CSMD1: variants seen among roughly 807,000 people sequenced by gnomAD.
CSMD1 encodes CUB and sushi domain-containing protein 1.
A neutral mutation model predicts 417.5 loss-of-function variants in CSMD1; 213 were observed. The observed-to-expected ratio is 0.51, with a 90% CI of 0.46 to 0.57. CSMD1 has a LOEUF of 0.57. CSMD1 is among the 20% of genes least tolerant of loss of function. The probability of loss-of-function intolerance (pLI) is 0.00; values close to 1 mark genes in which losing one functional copy is unlikely to be tolerated. For synonymous variants in CSMD1, 2,862 were observed against 1,736.8 expected (o/e 1.65, Z -16.11); for missense variants, 6,923 against 4,529.7 (o/e 1.53, Z -15.17).
chr8:4,193,555 G>A (rs920828697), intron 3 of CSMD1, among the ~76,000 whole-genome samples: 4 of 152,050 alleles, frequency 2.6e-5, no homozygotes, highest in African/African-American at 9.7e-5. Context: ...GTCACAAGAG[G>A]CTGTGGGAAA....
chr8:3,540,736 C>A (rs573030568), intron 10 of CSMD1, among the ~76,000 whole-genome samples: 1 of 152,234 alleles, frequency 6.6e-6, no homozygotes, highest in East Asian at 1.9e-4. Flanking sequence ...CATGAACAGA[C>A]ACTTCTCAAA....
At chr8:4,925,136 C>A (rs9657371) in intron 1 of CSMD1, among the ~76,000 whole-genome samples, 44,804 of 151,132 alleles carry the variant, frequency 0.3, 7,483 homozygotes, top group Middle Eastern at 0.42. Flanking sequence ...AATGTTTAGT[C>A]CCTGAGCAGC....
intron 12 of CSMD1, among the ~76,000 whole-genome samples, chr8:3,419,510 G>A (rs757842772): frequency 1.3e-5 from 2 of 152,074 alleles, no homozygotes; most frequent in Admixed American, 6.6e-5. Context: ...AAAACTCTAT[G>A]TATTTGTGTT....
At chr8:4,195,198 T>G (rs1340442571) in intron 3 of CSMD1, among the ~76,000 whole-genome samples, 5 of 152,282 alleles carry the variant, frequency 3.3e-5, no homozygotes, top group South Asian at 2.1e-4. Flanking sequence ...GAAAATAAAC[T>G]AAAACCTTGG....
intron 37 of CSMD1, among the ~76,000 whole-genome samples, chr8:3,179,807 A>G (rs1256982745): frequency 6.6e-6 from 1 of 152,242 alleles, no homozygotes; most frequent in Admixed American, 6.5e-5. Flanking sequence ...CACATCCTAC[A>G]TAAGTAACAT....
chr8:4,989,019 G>T (rs752711948), intron 1 of CSMD1, among the ~76,000 whole-genome samples: 6 of 152,144 alleles, frequency 3.9e-5, no homozygotes, highest in African/African-American at 7.2e-5. Context: ...GTCACTTAAG[G>T]TCATTTTAAA....
intron 57 of CSMD1, among the ~76,000 whole-genome samples, chr8:2,971,253 C>T (rs1804429889): frequency 6.6e-6 from 1 of 152,170 alleles, no homozygotes; most frequent in Non-Finnish European, 1.5e-5. Flanking sequence ...CCTAGATCAT[C>T]TCAGGGTCAG....
chr8:4,075,224 T>C (rs979552916), intron 3 of CSMD1, among the ~76,000 whole-genome samples: 1 of 152,170 alleles, frequency 6.6e-6, no homozygotes, highest in Non-Finnish European at 1.5e-5. Context: ...TTCTAGTATG[T>C]GCAGCTTAAG....
chr8:3,532,835 C>T (rs1430813587), intron 10 of CSMD1, among the ~76,000 whole-genome samples: 1 of 152,092 alleles, frequency 6.6e-6, no homozygotes, highest in Non-Finnish European at 1.5e-5. Context: ...CATTAAAGCA[C>T]ACAGCACAAT....
intron 5 of CSMD1, among the ~76,000 whole-genome samples, chr8:3,883,901 A>C (rs112259798): frequency 0.028 from 4,303 of 152,184 alleles, 241 homozygotes; most frequent in African/African-American, 0.097. Flanking sequence ...TTAAATATAA[A>C]TTAAATATAT....
At chr8:3,480,452 G>C (rs975497672) in intron 11 of CSMD1, among the ~76,000 whole-genome samples, 5 of 152,090 alleles carry the variant, frequency 3.3e-5, no homozygotes, top group African/African-American at 1.2e-4. Context: ...ATAGAAAAAA[G>C]AATCCAACTA....
intron 10 of CSMD1, among the ~76,000 whole-genome samples, chr8:3,560,469 C>A (rs138796896): frequency 2.0e-5 from 3 of 152,238 alleles, no homozygotes; most frequent in African/African-American, 7.2e-5. Flanking sequence ...GAACTCCAGA[C>A]TGATTCTTCT....
intron 12 of CSMD1, among the ~76,000 whole-genome samples, chr8:3,436,337 G>C (rs117712096): frequency 1.5e-3 from 223 of 152,298 alleles, no homozygotes; most frequent in Middle Eastern, 3.4e-3. Context: ...GAAGCCATGA[G>C]ACAGGTTATA....
Position 3,548,534 on chromosome 8 carries a change from G to C in CSMD1, c.1344+26411C>G, listed in dbSNP as rs1003190682. 3.3e-5 allele frequency among the ~76,000 whole-genome samples: 5 copies of C among 151,752 alleles called. No individual in the cohort carries two copies. The East Asian group carries it at 7.8e-4, about 24-fold the overall frequency. The stretch of plus-strand genomic sequence containing the variant: ...ATAGCTTAGCTCCTGCTTGGAATGA[G>C]AACATACGATGTTTGGTTTTCCATT... On this transcript the variant is annotated intron_variant, in intron 10 of 69. Transcript: ENST00000635120.
At chr8:4,923,459 A>C (rs1158099006) in intron 1 of CSMD1, among the ~76,000 whole-genome samples, 4 of 152,226 alleles carry the variant, frequency 2.6e-5, no homozygotes, top group African/African-American at 9.6e-5. Context: ...CTTATTTCAT[A>C]TTACATGCCT....
intron 20 of CSMD1, among the ~76,000 whole-genome samples, chr8:3,366,381 C>T (rs984334578): frequency 7.0e-6 from 1 of 142,734 alleles, no homozygotes; most frequent in Non-Finnish European, 1.5e-5. Context: ...TTTTTCTTAT[C>T]TGTAGAAAAA....
chr8:4,486,269 A>G (rs1400928217), intron 2 of CSMD1, among the ~76,000 whole-genome samples: 5 of 141,632 alleles, frequency 3.5e-5, no homozygotes, highest in Admixed American at 7.2e-5. Context: ...ATATATATAT[A>G]TATATATACG....
intron 5 of CSMD1, among the ~76,000 whole-genome samples, chr8:3,933,484 C>T (rs191521014): frequency 6.6e-6 from 1 of 152,134 alleles, no homozygotes; most frequent in Non-Finnish European, 1.5e-5. Flanking sequence ...CAACCCCTTT[C>T]AGCCATGGTC....
At chr8:4,974,931 G>C (rs1293799941) in intron 1 of CSMD1, among the ~76,000 whole-genome samples, 3 of 152,202 alleles carry the variant, frequency 2.0e-5, no homozygotes, top group Non-Finnish European at 2.9e-5. Context: ...GGTTTAAAGA[G>C]AGAGACAAAG....
Sources: allele counts gnomAD v4.1 joint callset (sites outside exome capture counted in the v4.1 genomes callset), GRCh38; gene constraint gnomAD v4.1.1; transcripts MANE v1.5; gene names NCBI Gene and HGNC (gene_info 2026-07-23, HGNC 2026-07-21).